Variants in PTPRD observed in about 807,000 individuals in gnomAD.
PTPRD encodes the protein protein tyrosine phosphatase receptor type D, also known as receptor-type tyrosine-protein phosphatase delta.
Under a neutral mutation model 214.5 loss-of-function variants are expected in PTPRD, and 34 were observed. The ratio of observed to expected loss-of-function variants is 0.16; its 90% CI spans 0.12 to 0.21. The LOEUF (loss-of-function observed/expected upper bound fraction) is 0.21. Ranked by LOEUF, PTPRD falls within the 10% of genes least tolerant of loss-of-function variation. The pLI is 1.00. For missense variants in PTPRD, 2,545 were observed against 2,398.7 expected (o/e 1.06, Z -1.27); for synonymous variants, 1,128 against 845.7 (o/e 1.33, Z -5.79).
intron 11 of PTPRD, among the ~76,000 whole-genome samples, chr9:9,012,776 G>C (rs2099517047): frequency 6.6e-6 from 1 of 152,124 alleles, no homozygotes; most frequent in Non-Finnish European, 1.5e-5. Flanking sequence ...TCTGCCATAT[G>C]AGGGTGTATA....
intron 7 of PTPRD, among the ~76,000 whole-genome samples, chr9:9,717,795 C>A (rs12376836): frequency 0.015 from 2,221 of 152,180 alleles, 23 homozygotes; most frequent in Non-Finnish European, 0.024. Context: ...ATTTCTCAGA[C>A]CCTCCATTTA....
intron 2 of PTPRD, among the ~76,000 whole-genome samples, chr9:10,461,047 T>G (rs893339727): frequency 1.5e-4 from 23 of 152,044 alleles, no homozygotes; most frequent in Admixed American, 1.4e-3. Context: ...CTTAATATAG[T>G]AAGAAATATA....
chr9:10,141,854 C>G (rs905995960), intron 3 of PTPRD, among the ~76,000 whole-genome samples: 1 of 152,120 alleles, frequency 6.6e-6, no homozygotes, highest in Admixed American at 6.6e-5. Context: ...TCAAACTATG[C>G]TACAAGGCTA....
intron 3 of PTPRD, among the ~76,000 whole-genome samples, chr9:10,068,305 A>G (rs2097920864): frequency 1.3e-5 from 2 of 151,930 alleles, no homozygotes; most frequent in South Asian, 4.1e-4. Flanking sequence ...TGGCCTTTTC[A>G]TCATGAAAAT....
intron 2 of PTPRD, among the ~76,000 whole-genome samples, chr9:10,375,109 G>C (rs1240620227): frequency 1.3e-5 from 2 of 151,884 alleles, no homozygotes; most frequent in African/African-American, 4.8e-5. Context: ...AAGGTTCAAA[G>C]AATCTGAAAA....
At chr9:8,847,232 C>T (rs955415610) in intron 11 of PTPRD, among the ~76,000 whole-genome samples, 5 of 151,494 alleles carry the variant, frequency 3.3e-5, no homozygotes, top group Non-Finnish European at 5.9e-5. Flanking sequence ...TAGTAAAAGT[C>T]GGATTAAAAT....
intron 3 of PTPRD, among the ~76,000 whole-genome samples, chr9:10,155,516 G>A (rs2099087444): frequency 6.6e-6 from 1 of 152,146 alleles, no homozygotes; most frequent in South Asian, 2.1e-4. Flanking sequence ...GGGACTCCTT[G>A]TCTTGTGACA....
intron 3 of PTPRD, among the ~76,000 whole-genome samples, chr9:10,310,148 G>T (rs1467470600): frequency 1.3e-5 from 2 of 151,974 alleles, no homozygotes; most frequent in Non-Finnish European, 2.9e-5. Flanking sequence ...AATCATGTAA[G>T]AATAGTGTAA....
intron 35 of PTPRD, among the ~76,000 whole-genome samples, chr9:8,418,224 C>T (rs10815863): frequency 0.13 from 18,751 of 147,222 alleles, 1,170 homozygotes; most frequent in South Asian, 0.14. Flanking sequence ...TTATCCTTTT[C>T]TTTTTTTTTT....
chr9:8,717,561 G>A (rs996790157), intron 12 of PTPRD, among the ~76,000 whole-genome samples: 10 of 152,118 alleles, frequency 6.6e-5, no homozygotes, highest in Admixed American at 4.6e-4. Context: ...ATTCAAGTCA[G>A]GCCACAACAC....
chr9:8,661,095 A>G (rs1287719499), intron 12 of PTPRD, among the ~76,000 whole-genome samples: 1 of 152,142 alleles, frequency 6.6e-6, no homozygotes, highest in Non-Finnish European at 1.5e-5. Context: ...GAACAGTCCC[A>G]AGTTCAGATA....
At chr9:9,486,983 T>C (rs565981488) in intron 8 of PTPRD, among the ~76,000 whole-genome samples, 1 of 152,210 alleles carries the variant, frequency 6.6e-6, no homozygotes, top group Non-Finnish European at 1.5e-5. Context: ...TCTTTTCTGG[T>C]GCCAGTACCA....
chr9:9,053,977 A>G (rs1328369657), intron 10 of PTPRD, among the ~76,000 whole-genome samples: 2 of 152,268 alleles, frequency 1.3e-5, no homozygotes, highest in African/African-American at 2.4e-5. Flanking sequence ...TTAAGGACCA[A>G]TTTGGTAATA....
chr9:9,086,854 C>A (rs187321437), intron 10 of PTPRD, among the ~76,000 whole-genome samples: 158 of 152,098 alleles, frequency 1.0e-3, no homozygotes, highest in African/African-American at 3.6e-3. Context: ...AAAAAGTTGA[C>A]CATAGCAAGC....
chr9:10,409,186 T>C (rs1345929603), intron 2 of PTPRD, among the ~76,000 whole-genome samples: 1 of 151,826 alleles, frequency 6.6e-6, no homozygotes, highest in African/African-American at 2.4e-5. Flanking sequence ...AGAAAAAGTG[T>C]GCCAACTTCT....
rs775815267 is a variant in PTPRD, at chr9:8,338,996, A to G, written c.5305T>C (p.Phe1769Leu). ...TACTCAGCCATGGGATCTACAACAA[A>G]GTACTGGTATCTTGCAGACCGTTCT... ...PAERSARYQYFVVDPMAEYNM... is the reference protein window; with the variant it reads ...PAERSARYQYLVVDPMAEYNM... The change falls in exon 43 of 46, where the codon TTT (phenylalanine) becomes CTT (leucine). Residue 1769 changes from phenylalanine (F) to leucine (L), a missense_variant. By Grantham distance (22) the Phe-to-Leu change is conservative (BLOSUM62 0). Transcript: ENST00000381196. 7 of 1,612,440 alleles carry G rather than the reference A, an allele frequency of 4.3e-6. No homozygotes were observed. Among genetic ancestry groups the G allele is most frequent in the Non-Finnish European group, 5.9e-6 (7 of 1,178,978 alleles).
chr9:10,165,912 T>A (rs1228308009), intron 3 of PTPRD, among the ~76,000 whole-genome samples: 2 of 150,994 alleles, frequency 1.3e-5, no homozygotes, highest in East Asian at 3.9e-4. Context: ...CACATGTCAA[T>A]ATATAGATCT....
At chr9:10,164,543 C>G (rs1375138636) in intron 3 of PTPRD, among the ~76,000 whole-genome samples, 1 of 151,450 alleles carries the variant, frequency 6.6e-6, no homozygotes, top group Non-Finnish European at 1.5e-5. Context: ...AGGACACTAA[C>G]TTCATATTAC....
intron 11 of PTPRD, among the ~76,000 whole-genome samples, chr9:9,016,302 G>C (rs1352425084): frequency 6.6e-6 from 1 of 152,138 alleles, no homozygotes; most frequent in African/African-American, 2.4e-5. Context: ...CACTGAGGAA[G>C]GCAGTAAAAT....
Sources: gnomAD v4.1 joint callset for allele counts (sites outside exome capture counted in the v4.1 genomes callset) on GRCh38, gnomAD v4.1.1 for gene constraint, MANE v1.5 for transcripts, NCBI Gene and HGNC (gene_info 2026-07-23, HGNC 2026-07-21) for gene names.